Variants in HSD17B12 observed in about 807,000 individuals in gnomAD.
HSD17B12 encodes the protein hydroxysteroid 17-beta dehydrogenase 12, also known as very-long-chain 3-oxoacyl-CoA reductase.
Under a neutral mutation model 39.3 loss-of-function variants are expected in HSD17B12, and 32 were observed. The observed-to-expected ratio is 0.81, with a 90% CI of 0.61 to 1.09. HSD17B12 has a LOEUF of 1.09. Ranked by LOEUF, HSD17B12 falls within the 50% of genes least tolerant of loss-of-function variation. The probability of loss-of-function intolerance (pLI) is 0.00; values close to 1 mark genes in which losing one functional copy is unlikely to be tolerated. For synonymous variants in HSD17B12, 150 were observed against 146.7 expected (o/e 1.02, Z -0.16); for missense variants, 342 against 382.9 (o/e 0.89, Z 0.89).
intron 9 of HSD17B12, among the ~76,000 whole-genome samples, chr11:43,842,991 A>C (rs1951441463): frequency 6.6e-6 from 1 of 152,222 alleles, no homozygotes; most frequent in Admixed American, 6.5e-5. Context: ...GTGTGACTAG[A>C]AGCTACTGTA....
At chr11:43,614,165 G>A in the HSD17B12 span, among the ~76,000 whole-genome samples, 1 of 152,138 alleles carries the variant, frequency 6.6e-6, no homozygotes, top group Non-Finnish European at 1.5e-5. Flanking sequence ...GCTTCCTTGA[G>A]CATTTCTTAT....
the HSD17B12 span, among the ~76,000 whole-genome samples, chr11:43,651,455 T>C: frequency 3.3e-5 from 5 of 152,204 alleles, no homozygotes; most frequent in Non-Finnish European, 7.3e-5. Context: ...AAACAGGCAA[T>C]CTCATATTTT....
intron 3 of HSD17B12, among the ~76,000 whole-genome samples, chr11:43,786,333 T>C (rs1183754185): frequency 6.6e-6 from 1 of 152,230 alleles, no homozygotes; most frequent in Non-Finnish European, 1.5e-5. Flanking sequence ...ACAAAATTAA[T>C]GATTTTCACT....
At chr11:43,823,728 G>T in intron 6 of HSD17B12, among the ~76,000 whole-genome samples, 1 of 151,956 alleles carries the variant, frequency 6.6e-6, no homozygotes, top group East Asian at 1.9e-4. Context: ...TTTATTCTAA[G>T]AAATAATAAT....
chr11:43,706,831 G>A (rs548199469), intron 1 of HSD17B12, among the ~76,000 whole-genome samples: 18 of 152,068 alleles, frequency 1.2e-4, no homozygotes, highest in Admixed American at 5.2e-4. Flanking sequence ...GTATTATGCT[G>A]ACTAGTAAAA....
the HSD17B12 span, among the ~76,000 whole-genome samples, chr11:43,607,523 A>C: frequency 6.6e-6 from 1 of 152,226 alleles, no homozygotes; most frequent in Non-Finnish European, 1.5e-5. Context: ...ACTATTTTAT[A>C]TGTGCCAAAT....
the HSD17B12 span, among the ~76,000 whole-genome samples, chr11:43,638,231 T>C: frequency 1.3e-5 from 2 of 152,188 alleles, no homozygotes; most frequent in Non-Finnish European, 1.5e-5. Flanking sequence ...TCATTTTACA[T>C]TTTACTTTTC....
the HSD17B12 span, among the ~76,000 whole-genome samples, chr11:43,639,022 T>C: frequency 5.3e-5 from 8 of 152,212 alleles, no homozygotes; most frequent in Admixed American, 2.0e-4. Flanking sequence ...TCTGTTTACC[T>C]GGAGAAAAAT....
At chr11:43,630,359 C>T in the HSD17B12 span, among the ~76,000 whole-genome samples, 1 of 152,098 alleles carries the variant, frequency 6.6e-6, no homozygotes, top group Non-Finnish European at 1.5e-5. Flanking sequence ...TCAGGATGAT[C>T]ATTGACAAGA....
chr11:43,664,378 A>C, the HSD17B12 span, among the ~76,000 whole-genome samples: 1 of 152,178 alleles, frequency 6.6e-6, no homozygotes, highest in Non-Finnish European at 1.5e-5. Flanking sequence ...GCTCATGGGC[A>C]TGACTTCCTC....
At chr11:43,580,901 T>G in the HSD17B12 span, among the ~76,000 whole-genome samples, 4 of 151,920 alleles carry the variant, frequency 2.6e-5, no homozygotes, top group African/African-American at 9.7e-5. Context: ...TCGTCTGTAT[T>G]TATTTAGTGC....
chr11:43,811,105 T>C (rs1951069558), intron 4 of HSD17B12, among the ~76,000 whole-genome samples: 1 of 152,226 alleles, frequency 6.6e-6, no homozygotes, highest in Non-Finnish European at 1.5e-5. Context: ...GTTCTTTCTC[T>C]TCCTTTTGCA....
At chr11:43,561,658 C>A in the HSD17B12 span, among the ~76,000 whole-genome samples, 1 of 151,990 alleles carries the variant, frequency 6.6e-6, no homozygotes, top group Non-Finnish European at 1.5e-5. Context: ...TCCTTTCTAG[C>A]CTGTTCCTTC....
chr11:43,824,697 A>G (rs950213154), intron 6 of HSD17B12, among the ~76,000 whole-genome samples: 1 of 152,140 alleles, frequency 6.6e-6, no homozygotes, highest in Non-Finnish European at 1.5e-5. Context: ...TGAACATACA[A>G]GTTTTGGAGG....
intron 1 of HSD17B12, among the ~76,000 whole-genome samples, chr11:43,729,105 C>A (rs915362616): frequency 1.3e-5 from 2 of 152,056 alleles, no homozygotes; most frequent in African/African-American, 4.8e-5. Context: ...AGGTCTTGTT[C>A]ATTCTGAAAA....
rs138222105 is a variant in HSD17B12, at chr11:43,741,104, G to A, written c.161-9807G>A. Reference sequence around the variant, plus strand: ...TTTATTTGGTTTTCATTGAAAATTGGTATTATAAGGGTGGGAGTGTTTAGA... The same window carrying A: ...TTTATTTGGTTTTCATTGAAAATTGATATTATAAGGGTGGGAGTGTTTAGA... On this transcript the variant is annotated intron_variant, in intron 1 of 10. Coordinates refer to ENST00000278353, the MANE Select transcript of HSD17B12 (RefSeq NM_016142.3). Among the ~76,000 whole-genome samples the A allele has an allele frequency of 6.9e-3, 1,044 of 152,258 alleles. 16 individuals carry two copies. Among genetic ancestry groups the A allele is most frequent in the African/African-American group, 0.024 (1,002 of 41,540 alleles).
the HSD17B12 span, among the ~76,000 whole-genome samples, chr11:43,656,627 C>T: frequency 1.3e-5 from 2 of 152,134 alleles, no homozygotes; most frequent in African/African-American, 2.4e-5. Flanking sequence ...TTTCAAAGAA[C>T]ATCTTTATTT....
intron 3 of HSD17B12, among the ~76,000 whole-genome samples, chr11:43,779,545 C>T (rs746083038): frequency 6.6e-6 from 1 of 152,044 alleles, no homozygotes; most frequent in South Asian, 2.1e-4. Context: ...CTTTGTGGCC[C>T]GAGATACCTT....
rs770149891 is a variant in HSD17B12, at chr11:43,754,056, A to G, written c.218A>G (p.His73Arg). The change falls in exon 3 of 11, where the codon CAT (histidine) becomes CGT (arginine). Residue 73 changes from histidine to arginine, a missense_variant. By Grantham distance (29) the His-to-Arg change is conservative. Transcript: ENST00000278353. ...CCTTTACTGTTTCAGTTAGCAAAGC[A>G]TGGAATGAAGGTTGTCCTTATCAGC... ...GKSYAEELAKHGMKVVLISRS... is the reference protein window; with the variant it reads ...GKSYAEELAKRGMKVVLISRS... The G allele has an allele frequency of 1.5e-5, 24 of 1,611,030 alleles. 1 individual carries two copies. Among genetic ancestry groups the G allele is most frequent in the Non-Finnish European group, 1.8e-5 (21 of 1,177,944 alleles).
Sources: allele counts gnomAD v4.1 joint callset (sites outside exome capture counted in the v4.1 genomes callset), GRCh38; gene constraint gnomAD v4.1.1; transcripts MANE v1.5; gene names NCBI Gene and HGNC (gene_info 2026-07-23, HGNC 2026-07-21).